Variants in ERG observed in about 807,000 individuals in gnomAD.
The protein encoded by ERG is transcriptional regulator ERG.
In ERG, 9 loss-of-function variants were observed where a neutral mutation model predicts 55.3. That is an observed-to-expected ratio of 0.16 (90% CI 0.10 to 0.28). The LOEUF (loss-of-function observed/expected upper bound fraction) is 0.28, where lower values mean the gene tolerates loss of function less well. Ranked by LOEUF, ERG falls within the 10% of genes least tolerant of loss-of-function variation. ERG has a pLI of 1.00. For missense variants in ERG, 434 were observed against 631.6 expected (o/e 0.69, Z 3.35); for synonymous variants, 223 against 237.3 (o/e 0.94, Z 0.55).
chr21:38,433,064 T>C (rs1990293179), intron 2 of ERG, among the ~76,000 whole-genome samples: 1 of 152,170 alleles, frequency 6.6e-6, no homozygotes, highest in Admixed American at 6.5e-5. Flanking sequence ...AATGTTTATG[T>C]AGAGATATAA....
intron 3 of ERG, among the ~76,000 whole-genome samples, chr21:38,408,882 C>A (rs995550886): frequency 6.6e-6 from 1 of 152,154 alleles, no homozygotes; most frequent in African/African-American, 2.4e-5. Flanking sequence ...TTAGGTGCGA[C>A]CTTCTGCCCT....
At chr21:38,610,984 T>G (rs2060223365) in intron 1 of ERG, among the ~76,000 whole-genome samples, 1 of 152,142 alleles carries the variant, frequency 6.6e-6, no homozygotes, top group Non-Finnish European at 1.5e-5. Flanking sequence ...CATAACTGCC[T>G]TGGAGGGAAG....
intron 1 of ERG, among the ~76,000 whole-genome samples, chr21:38,494,581 T>C (rs141827745): frequency 3.9e-4 from 59 of 152,380 alleles, no homozygotes; most frequent in African/African-American, 1.4e-3. Flanking sequence ...TGTATGCTTT[T>C]TCAAGAGTTG....
At chr21:38,518,489 G>A (rs1295066510) in intron 2 of ERG, among the ~76,000 whole-genome samples, 4 of 152,088 alleles carry the variant, frequency 2.6e-5, no homozygotes, top group South Asian at 2.1e-4. Flanking sequence ...GATTTTTGAC[G>A]AAGGTGGCAG....
intron 2 of ERG, among the ~76,000 whole-genome samples, chr21:38,504,076 A>AT (rs1489939813): frequency 6.6e-6 from 1 of 152,180 alleles, no homozygotes; most frequent in African/African-American, 2.4e-5. Context: ...CCAGCAGCAC[A>AT]TTAAGAAATA....
intron 2 of ERG, among the ~76,000 whole-genome samples, chr21:38,524,018 C>A (rs779962123): frequency 2.4e-4 from 37 of 152,274 alleles, no homozygotes; most frequent in Admixed American, 2.0e-4. Flanking sequence ...TAAAATTAAT[C>A]CAATTTTCTT....
chr21:38,531,646 C>T (rs1043617520), intron 2 of ERG, among the ~76,000 whole-genome samples: 2 of 152,166 alleles, frequency 1.3e-5, no homozygotes, highest in Non-Finnish European at 2.9e-5. Context: ...GCAAGCAAAT[C>T]TCAAGAGATT....
intron 1 of ERG, among the ~76,000 whole-genome samples, chr21:38,450,454 G>A (rs952935971): frequency 2.6e-5 from 4 of 152,176 alleles, no homozygotes; most frequent in Admixed American, 6.5e-5. Context: ...AACACAGTGT[G>A]GAGATCATTC....
rs148202524 is a variant in ERG, at chr21:38,634,849, C to T, written c.-150+26809G>A. ...TAGAATCCTTGCCTACAGGGTTTCA[C>T]TGAAGCTTTGAAAAGAACATGAAGA... On this transcript the variant is annotated intron_variant, in intron 1 of 10. Transcript: ENST00000398910. Among the ~76,000 whole-genome samples the T allele has an allele frequency of 1.0e-3, 152 of 152,250 alleles. 4 individuals are homozygous for T. The East Asian group carries it at 0.027, about 27-fold the overall frequency.
intron 2 of ERG, among the ~76,000 whole-genome samples, chr21:38,519,020 C>T (rs546310978): frequency 6.1e-4 from 93 of 152,278 alleles, no homozygotes; most frequent in African/African-American, 2.2e-3. Flanking sequence ...GGATATCCAA[C>T]TGCTCATTAA....
At position 38,551,570 on chromosome 21, in the gene ERG, A is replaced by G. The variant is rs142990818; in HGVS notation, c.-41+24092T>C. 2.9e-3 allele frequency among the ~76,000 whole-genome samples: 440 copies of G among 152,314 alleles called. 2 individuals carry two copies. Among genetic ancestry groups the G allele is most frequent in the Middle Eastern group, 0.02 (6 of 294 alleles). On this transcript the variant is annotated intron_variant, in intron 2 of 8. Coordinates refer to the ERG transcript ENST00000398897. ...GTATCTTTGTTTTCATTTGTTTCAAATAATTTATTGATTTCTGTCTTAGTT... is the reference window on the plus strand; with the variant it reads ...GTATCTTTGTTTTCATTTGTTTCAAGTAATTTATTGATTTCTGTCTTAGTT...
At position 38,383,982 on chromosome 21, in the gene ERG, G is replaced by T; in HGVS notation, c.920-59C>A. On this transcript the variant is annotated intron_variant, in intron 9 of 9. Transcript: ENST00000288319. This position sits in a 1 kb window ranked among gnomAD's most constrained non-coding sequence, Gnocchi z 5.7. Reference sequence around the variant, plus strand: ...TGAGCACAGGTTCCAGGGGAAAGAGGCTCTCTGTGATGACGGAAGGAGGTG... The same window carrying T: ...TGAGCACAGGTTCCAGGGGAAAGAGTCTCTCTGTGATGACGGAAGGAGGTG... 3 of 1,552,352 alleles carry T rather than the reference G, an allele frequency of 1.9e-6. No homozygotes were observed. Among genetic ancestry groups the T allele is most frequent in the African/African-American group, 2.7e-5 (2 of 73,662 alleles).
chr21:38,419,124 G>C (rs1282339298), intron 3 of ERG, among the ~76,000 whole-genome samples: 1 of 152,048 alleles, frequency 6.6e-6, no homozygotes, highest in African/African-American at 2.4e-5. Context: ...CCTGCCCTAT[G>C]AGAGATCCTC....
At chr21:38,489,795 G>C (rs1163855255) in intron 1 of ERG, among the ~76,000 whole-genome samples, 1 of 152,226 alleles carries the variant, frequency 6.6e-6, no homozygotes, top group Non-Finnish European at 1.5e-5. Context: ...CCTGGGGTAA[G>C]AGAAGTGATT....
At chr21:38,481,840 G>T (rs1174635794) in intron 1 of ERG, among the ~76,000 whole-genome samples, 1 of 150,080 alleles carries the variant, frequency 6.7e-6, no homozygotes, top group African/African-American at 2.5e-5. Context: ...AGTAACAAAA[G>T]AAGAAAAATG....
chr21:38,462,147 A>AT (rs942038323), intron 1 of ERG, among the ~76,000 whole-genome samples: 9 of 151,978 alleles, frequency 5.9e-5, no homozygotes, highest in South Asian at 4.2e-4. Context: ...CGCCTGGCTA[A>AT]TTTTTTTGTA....
intron 1 of ERG, among the ~76,000 whole-genome samples, chr21:38,609,885 C>T (rs908166226): frequency 6.6e-6 from 1 of 152,210 alleles, no homozygotes; most frequent in Non-Finnish European, 1.5e-5. Context: ...ACAATACAAC[C>T]AAGCATTAGC....
chr21:38,442,029 T>A (rs7277907), intron 2 of ERG, among the ~76,000 whole-genome samples: 9,354 of 152,240 alleles, frequency 0.061, 357 homozygotes, highest in Middle Eastern at 0.12. Flanking sequence ...CATTGAAAGT[T>A]TATGACGGCA....
At chr21:38,465,667 G>C (rs76764303) in intron 1 of ERG, among the ~76,000 whole-genome samples, 2 of 152,138 alleles carry the variant, frequency 1.3e-5, no homozygotes, top group African/African-American at 4.8e-5. Flanking sequence ...CAGGTGTATG[G>C]AAATCACTCT....
Sources: allele counts gnomAD v4.1 joint callset (sites outside exome capture counted in the v4.1 genomes callset), GRCh38; gene constraint gnomAD v4.1.1; non-coding constraint Gnocchi (gnomAD v3.1); transcripts MANE v1.5; gene names NCBI Gene and HGNC (gene_info 2026-07-23, HGNC 2026-07-21).